The following NTRK2 variants were observed in gnomAD, a reference collection of about 807,000 sequenced individuals.
NTRK2 encodes neurotrophic receptor tyrosine kinase 2, also known as BDNF/NT-3 growth factors receptor.
A neutral mutation model predicts 94.5 loss-of-function variants in NTRK2; 13 were observed. The ratio of observed to expected loss-of-function variants is 0.14; its 90% CI spans 0.09 to 0.22. The LOEUF is 0.22. Among genes scored for constraint, NTRK2 ranks in the 10% least tolerant of loss-of-function variants. NTRK2 has a pLI of 1.00. For synonymous variants in NTRK2, 372 were observed against 407.4 expected, an observed-to-expected ratio of 0.91 and a Z score of 1.05; for missense variants, 639 against 1,071.2, an observed-to-expected ratio of 0.60 and a Z score of 5.63.
At chr9:84,678,293 T>C (rs1427584025) in intron 2 of NTRK2, among the ~76,000 whole-genome samples, 1 of 152,254 alleles carries the variant, frequency 6.6e-6, no homozygotes, top group African/African-American at 2.4e-5. Flanking sequence ...CATTAGTGCA[T>C]TGACCCTGTT....
rs56021326 is a variant in NTRK2, at chr9:84,944,215, T to TCACACA, written c.1765-4214_1765-4209dup. ...TGTTCTCTCTCTCTCTCTCTCTCTC[T>TCACACA]CACACACACACACACACACACACAC... On this transcript the variant is annotated intron_variant, in intron 15 of 18. Transcript: ENST00000277120. Among the ~76,000 whole-genome samples, 782 of 120,316 alleles carry TCACACA rather than the reference T, an allele frequency of 6.5e-3. 5 individuals are homozygous for TCACACA. Among genetic ancestry groups the TCACACA allele is most frequent in the South Asian group, 0.025 (94 of 3,736 alleles). The allele number at this position is 120,316 out of a possible 152,430, so 78.9% of individuals were successfully genotyped here. A position where few individuals can be genotyped will look rare whatever the true frequency, so the allele number is the denominator to read the frequency against.
intron 17 of NTRK2, among the ~76,000 whole-genome samples, chr9:84,967,646 C>G (rs767460743): frequency 1.3e-5 from 2 of 152,238 alleles, no homozygotes; most frequent in Non-Finnish European, 2.9e-5. Context: ...ACGGCGGAGC[C>G]CAGCTATGTG....
chr9:84,819,043 C>T (rs1199433995), intron 12 of NTRK2, among the ~76,000 whole-genome samples: 3 of 152,180 alleles, frequency 2.0e-5, no homozygotes, highest in Admixed American at 6.5e-5. Context: ...TCACACGCTA[C>T]AAGACCCTGG....
At position 84,857,119 on chromosome 9, in the gene NTRK2, ATTTAT is replaced by A. The variant is rs201780062; in HGVS notation, c.1397-3913_1397-3909del. ...TTTGAAAAAGTGTTTTTTTTTTGCC[ATTTAT>A]TTTATTTAATTTGAATTCCATCTTA... On this transcript the variant is annotated intron_variant, in intron 12 of 18. Coordinates refer to ENST00000277120, the MANE Select transcript of NTRK2 (RefSeq NM_006180.6). Among the ~76,000 whole-genome samples the A allele has an allele frequency of 4.1e-4, 61 of 150,034 alleles. No homozygotes were observed. In the East Asian group the frequency reaches 0.012, roughly 28 times the overall value.
intron 12 of NTRK2, among the ~76,000 whole-genome samples, chr9:84,772,274 C>T (rs533822782): frequency 6.6e-6 from 1 of 151,874 alleles, no homozygotes; most frequent in African/African-American, 2.4e-5. Flanking sequence ...TTTTTTGAGA[C>T]AGAGTCTCAC....
intron 14 of NTRK2, among the ~76,000 whole-genome samples, chr9:84,902,470 G>T (rs1170776327): frequency 1.3e-5 from 2 of 152,066 alleles, no homozygotes; most frequent in East Asian, 1.9e-4. Flanking sequence ...GCAGGATTGG[G>T]GATGATTTTT....
intron 14 of NTRK2, among the ~76,000 whole-genome samples, chr9:84,884,661 C>T (rs2132242145): frequency 6.6e-6 from 1 of 152,304 alleles, no homozygotes; most frequent in East Asian, 1.9e-4. Flanking sequence ...ATTTGCATCT[C>T]TGCCGCCGCT....
chr9:84,977,394 A>C (rs1468550380), intron 17 of NTRK2, among the ~76,000 whole-genome samples: 3 of 152,198 alleles, frequency 2.0e-5, no homozygotes, highest in Non-Finnish European at 4.4e-5. Context: ...ACAAAAATGC[A>C]AAAAAACATG....
chr9:84,829,452 G>T (rs11140775), intron 12 of NTRK2, among the ~76,000 whole-genome samples: 1 of 152,190 alleles, frequency 6.6e-6, no homozygotes, highest in Non-Finnish European at 1.5e-5. Flanking sequence ...TGGACTCCTA[G>T]ATTTGGTTTC....
In NTRK2 at chr9:84,968,129, G is replaced by A. The variant is rs186819601; in HGVS notation, c.2172+12612G>A. ...CTCAGCCATCTTCCAATTTACTGAT[G>A]AGAAAAATAATATTCAGGGATGTGA... On this transcript the variant is annotated intron_variant, in intron 17 of 18. Transcript: ENST00000277120. 2.3e-3 allele frequency among the ~76,000 whole-genome samples: 348 copies of A among 152,272 alleles called. 9 individuals are homozygous for A. Among genetic ancestry groups the A allele is most frequent in the Admixed American group, 0.018 (280 of 15,296 alleles).
chr9:84,898,721 C>CT (rs1229674834), intron 14 of NTRK2, among the ~76,000 whole-genome samples: 10 of 150,800 alleles, frequency 6.6e-5, no homozygotes, highest in Admixed American at 1.3e-4. Flanking sequence ...CTTTTTTTCT[C>CT]TTTTTTTTCC....
chr9:84,945,017 T>C, intron 15 of NTRK2, among the ~76,000 whole-genome samples: 1 of 152,186 alleles, frequency 6.6e-6, no homozygotes, highest in East Asian at 1.9e-4. Flanking sequence ...GATGCTAAGC[T>C]AGAACCCCTT....
chr9:85,004,356 T>A (rs1440258791), intron 17 of NTRK2, among the ~76,000 whole-genome samples: 1 of 152,202 alleles, frequency 6.6e-6, no homozygotes, highest in Non-Finnish European at 1.5e-5. Flanking sequence ...CTTGGGAGTA[T>A]TCTTGTCTTC....
intron 12 of NTRK2, among the ~76,000 whole-genome samples, chr9:84,779,979 AG>A (rs1445863700): frequency 2.0e-5 from 3 of 152,196 alleles, no homozygotes; most frequent in Admixed American, 6.5e-5. Context: ...CTAGTGGGTC[AG>A]GTTAGCATTT....
At chr9:84,904,748 T>C (rs2077024487) in intron 14 of NTRK2, among the ~76,000 whole-genome samples, 1 of 152,166 alleles carries the variant, frequency 6.6e-6, no homozygotes, top group Admixed American at 6.5e-5. Context: ...GTGGTTAGAG[T>C]ATGAAGATAG....
chr9:84,867,611 C>T (rs953974913), intron 14 of NTRK2, among the ~76,000 whole-genome samples, 180 bp downstream of exon 14: 59 of 152,228 alleles, frequency 3.9e-4, no homozygotes, highest in African/African-American at 1.3e-3. Context: ...TGGAATTCTC[C>T]GGGTGTGTCT....
chr9:84,899,722 G>T (rs75214163), intron 14 of NTRK2, among the ~76,000 whole-genome samples: 8 of 152,246 alleles, frequency 5.3e-5, no homozygotes, highest in Middle Eastern at 3.4e-3. Context: ...GAAGAAGAGA[G>T]ACAGGAAGAA....
chr9:84,742,863 C>A (rs910941439), intron 10 of NTRK2, among the ~76,000 whole-genome samples: 1 of 136,258 alleles, frequency 7.3e-6, no homozygotes, highest in Non-Finnish European at 1.5e-5. Flanking sequence ...TCCAGTGGCG[C>A]GATCTATGCT....
chr9:84,686,173 A>C (rs1227010841), intron 2 of NTRK2, among the ~76,000 whole-genome samples: 1 of 152,228 alleles, frequency 6.6e-6, no homozygotes, highest in Non-Finnish European at 1.5e-5. Flanking sequence ...AATGACCTTT[A>C]TGGAATTAAA....
Sources: allele counts gnomAD v4.1 joint callset (sites outside exome capture counted in the v4.1 genomes callset), GRCh38; gene constraint gnomAD v4.1.1; transcripts MANE v1.5; gene names NCBI Gene and HGNC (gene_info 2026-07-23, HGNC 2026-07-21).